Variants in CNTN4 observed in about 807,000 individuals in gnomAD.
The protein encoded by CNTN4 is contactin-4.
CNTN4 carries 77 observed loss-of-function variants against 122.5 expected under a neutral mutation model. The observed-to-expected ratio is 0.63, with a 90% confidence interval of 0.52 to 0.76. CNTN4 has a LOEUF of 0.76. CNTN4 is among the 30% of genes least tolerant of loss of function. The pLI, the probability that CNTN4 is intolerant of heterozygous loss-of-function variation, is 0.00. For synonymous variants in CNTN4, 512 were observed against 447.0 expected, an observed-to-expected ratio of 1.15 and a Z score of -1.83; for missense variants, 1,256 against 1,259.1, an observed-to-expected ratio of 1.00 and a Z score of 0.04.
At chr3:2,614,738 A>T (rs759627079) in intron 4 of CNTN4, among the ~76,000 whole-genome samples, 1 of 152,096 alleles carries the variant, frequency 6.6e-6, no homozygotes, top group Non-Finnish European at 1.5e-5. Context: ...TCCTATTGAA[A>T]TAGAGATGCC....
chr3:3,001,844 A>T (rs1301967655), intron 14 of CNTN4, among the ~76,000 whole-genome samples: 1 of 152,234 alleles, frequency 6.6e-6, no homozygotes, highest in African/African-American at 2.4e-5. Context: ...GCTGTACATG[A>T]TTCTACACTG....
intron 4 of CNTN4, among the ~76,000 whole-genome samples, chr3:2,689,077 A>G (rs2085587808): frequency 1.3e-5 from 2 of 152,192 alleles, no homozygotes; most frequent in African/African-American, 4.8e-5. Flanking sequence ...AAGTAACAGC[A>G]GTGTGTGAAA....
At position 3,028,609 on chromosome 3, in the gene CNTN4, T is replaced by G. The variant is rs139343553; in HGVS notation, c.1663-2246T>G. On this transcript the variant is annotated intron_variant, in intron 15 of 24. Transcript: ENST00000418658. ...TAGATAGATGGTATAGGCATTTCCC[T>G]AAGGCCAATGTGGCTTCCCACCTTC... 8.3e-4 allele frequency among the ~76,000 whole-genome samples: 127 copies of G among 152,312 alleles called. 6 individuals carry two copies. In the East Asian group the frequency reaches 0.018, roughly 22 times the overall value.
chr3:2,844,113 T>G (rs1269994911), intron 7 of CNTN4, among the ~76,000 whole-genome samples: 1 of 152,190 alleles, frequency 6.6e-6, no homozygotes, highest in Non-Finnish European at 1.5e-5. Context: ...GTTGCTCCCA[T>G]GCCTTGAATG....
chr3:2,532,713 C>G (rs73001908), intron 3 of CNTN4, among the ~76,000 whole-genome samples: 7,301 of 152,168 alleles, frequency 0.048, 213 homozygotes, highest in Non-Finnish European at 0.074. Flanking sequence ...CATTTAAAAA[C>G]AAGAGTTGTT....
At chr3:2,451,809 A>C (rs559629687) in intron 3 of CNTN4, among the ~76,000 whole-genome samples, 1 of 152,274 alleles carries the variant, frequency 6.6e-6, no homozygotes, top group African/African-American at 2.4e-5. Flanking sequence ...CCTTTAAATT[A>C]ATAGAAAAAT....
intron 8 of CNTN4, among the ~76,000 whole-genome samples, chr3:2,869,262 T>C (rs569809295): frequency 1.3e-5 from 2 of 151,902 alleles, no homozygotes; most frequent in Non-Finnish European, 2.9e-5. Context: ...AAAACAATAG[T>C]GAAAACTGGA....
chr3:2,589,838 G>A (rs1360341482), intron 4 of CNTN4, among the ~76,000 whole-genome samples: 1 of 152,180 alleles, frequency 6.6e-6, no homozygotes, highest in Non-Finnish European at 1.5e-5. Flanking sequence ...CTGCTTGAGT[G>A]TCCTCGTGAC....
intron 9 of CNTN4, among the ~76,000 whole-genome samples, chr3:2,886,222 C>A (rs1466274515): frequency 1.3e-5 from 2 of 151,648 alleles, no homozygotes; most frequent in Non-Finnish European, 2.9e-5. Flanking sequence ...ATGGGTGAAA[C>A]CTTGTCTCTA....
intron 6 of CNTN4, among the ~76,000 whole-genome samples, chr3:2,794,724 G>A (rs1384776224): frequency 6.6e-6 from 1 of 152,088 alleles, no homozygotes; most frequent in Non-Finnish European, 1.5e-5. Context: ...ATTGACTGTG[G>A]GCTTACAAAG....
intron 7 of CNTN4, among the ~76,000 whole-genome samples, chr3:2,865,608 A>G (rs573599026): frequency 6.6e-6 from 1 of 152,298 alleles, no homozygotes; most frequent in South Asian, 2.1e-4. Context: ...ATAAAGTGGG[A>G]CATGTTGGCT....
chr3:2,539,531 A>G (rs1316329541), intron 3 of CNTN4, among the ~76,000 whole-genome samples: 12 of 152,092 alleles, frequency 7.9e-5, no homozygotes, highest in Admixed American at 5.2e-4. Flanking sequence ...GAAATGCCCT[A>G]GGTATAAATC....
At position 2,916,740 on chromosome 3, in the gene CNTN4, C is replaced by T. The variant is rs1268966004; in HGVS notation, c.1208-8889C>T. The stretch of plus-strand genomic sequence containing the variant: ...GTACACCTCCCAGACGGGGTGGCGG[C>T]CGGGCAGAGGGGCTCCTCACTTCCC... On this transcript the variant is annotated intron_variant, in intron 12 of 24. Transcript: ENST00000418658. 2.5e-4 allele frequency among the ~76,000 whole-genome samples: 36 copies of T among 142,734 alleles called. No individual in the cohort carries two copies. In the South Asian group the frequency reaches 5.3e-3, roughly 21 times the overall value. The allele number at this position is 142,734 out of a possible 152,430, so 93.6% of individuals were successfully genotyped here.
chr3:2,980,229 G>A (rs765283430), intron 13 of CNTN4, among the ~76,000 whole-genome samples: 3 of 152,196 alleles, frequency 2.0e-5, no homozygotes, highest in Admixed American at 6.5e-5. Flanking sequence ...GTAATTTACT[G>A]TGTTGTGAAT....
chr3:2,213,466 G>T (rs1308480808), intron 2 of CNTN4, among the ~76,000 whole-genome samples: 4 of 152,138 alleles, frequency 2.6e-5, no homozygotes, highest in East Asian at 3.8e-4. Context: ...GTAAGCAGAT[G>T]TGTGTTATTT....
At chr3:2,852,357 G>C (rs1294742751) in intron 7 of CNTN4, among the ~76,000 whole-genome samples, 4 of 152,070 alleles carry the variant, frequency 2.6e-5, no homozygotes, top group African/African-American at 9.7e-5. Flanking sequence ...TAAGATATTA[G>C]GGTAGCTTTA....
rs1380268807 is a variant in CNTN4 at position 2,643,723 on chromosome 3, T to C, written c.55+72165T>C. Among the ~76,000 whole-genome samples, 5 of 152,248 alleles carry C rather than the reference T, an allele frequency of 3.3e-5. No homozygotes were observed. In the South Asian group the frequency reaches 1.0e-3, roughly 32 times the overall value. On this transcript the variant is annotated intron_variant, in intron 4 of 24. Transcript: ENST00000418658. Reference sequence around the variant, plus strand: ...GGAGATAAAAGTGGTGATGCGATAGTCTCCATTCTGCTTTGTATGTTAGGA... The same window carrying C: ...GGAGATAAAAGTGGTGATGCGATAGCCTCCATTCTGCTTTGTATGTTAGGA...
chr3:2,648,079 C>T (rs569913377), intron 4 of CNTN4, among the ~76,000 whole-genome samples: 25 of 152,258 alleles, frequency 1.6e-4, no homozygotes, highest in African/African-American at 4.8e-4. Context: ...GCAAAGAAAA[C>T]GCTCTGAAGA....
chr3:2,400,424 T>TAC lies in CNTN4; in HGVS notation c.-89+61192_-89+61193insCA, dbSNP rs1553640907. On this transcript the variant is annotated intron_variant, in intron 3 of 24. Coordinates refer to ENST00000418658, the MANE Select transcript of CNTN4 (RefSeq NM_175607.3). ...GTGTGAATATATATATATATATATA[T>TAC]ATACATATATATATATATATATATA... Among the ~76,000 whole-genome samples the TAC allele has an allele frequency of 1.3e-3, 88 of 67,976 alleles. 2 individuals carry two copies. The highest frequency in any genetic ancestry group is 2.3e-3 in the Admixed American group (12 of 5,256). The allele number at this position is 67,976 out of a possible 152,430, so 44.6% of individuals were successfully genotyped here.
Sources: allele counts gnomAD v4.1 joint callset (sites outside exome capture counted in the v4.1 genomes callset), GRCh38; gene constraint gnomAD v4.1.1; transcripts MANE v1.5; gene names NCBI Gene and HGNC (gene_info 2026-07-23, HGNC 2026-07-21).